The following VIPR2 variants were observed in gnomAD, a reference collection of about 807,000 sequenced individuals.
The protein encoded by VIPR2 is vasoactive intestinal polypeptide receptor 2.
VIPR2 carries 48 observed loss-of-function variants against 58.0 expected under a neutral mutation model. The observed-to-expected ratio is 0.83, with a 90% CI of 0.66 to 1.05. The LOEUF (loss-of-function observed/expected upper bound fraction) is 1.05. Among genes scored for constraint, VIPR2 ranks in the 50% least tolerant of loss-of-function variants. The pLI is 0.00. For synonymous variants in VIPR2, 243 were observed against 235.2 expected (o/e 1.03, Z -0.30); for missense variants, 534 against 558.0 (o/e 0.96, Z 0.43).
intron 5 of VIPR2, among the ~76,000 whole-genome samples, chr7:159,053,004 T>C (rs1288709546): frequency 6.6e-6 from 1 of 152,218 alleles, no homozygotes; most frequent in Non-Finnish European, 1.5e-5. Context: ...CTATTCAACA[T>C]TGTACTTCAC....
At chr7:159,087,026 A>G (rs1446901470) in intron 4 of VIPR2, among the ~76,000 whole-genome samples, 2 of 152,184 alleles carry the variant, frequency 1.3e-5, no homozygotes, top group Non-Finnish European at 2.9e-5. Context: ...TTCCCAACCA[A>G]CAATACCGAG....
At chr7:159,133,899 C>G (rs544650181) in intron 2 of VIPR2, among the ~76,000 whole-genome samples, 1 of 152,236 alleles carries the variant, frequency 6.6e-6, no homozygotes, top group South Asian at 2.1e-4. Flanking sequence ...GACATTCTAC[C>G]TAGCTGAGCT....
chr7:159,137,452 T>G (rs1269303133), intron 2 of VIPR2, among the ~76,000 whole-genome samples: 2 of 152,216 alleles, frequency 1.3e-5, no homozygotes. Flanking sequence ...CCATCATGGC[T>G]CACTGCAGCC....
intron 8 of VIPR2, 145 bp downstream of exon 8, chr7:159,035,805 TCG>T (rs1853905919): frequency 7.0e-7 from 1 of 1,419,036 alleles, no homozygotes; most frequent in Non-Finnish European, 9.3e-7. Flanking sequence ...TCCCCATGAA[TCG>T]CCCAGATGCT....
At chr7:159,130,750 A>G (rs974231291) in intron 2 of VIPR2, among the ~76,000 whole-genome samples, 1 of 152,190 alleles carries the variant, frequency 6.6e-6, no homozygotes, top group Non-Finnish European at 1.5e-5. Flanking sequence ...AATGCTGTGT[A>G]TTGATTTCGT....
At chr7:159,043,282 A>AAAAAT in intron 5 of VIPR2, 106 bp from the exon 6 acceptor site, 2 of 1,044,126 alleles carry the variant, frequency 1.9e-6, no homozygotes, top group Non-Finnish European at 2.6e-6. Context: ...AGAAGCACAG[A>AAAAAT]AAAATAAAAG....
intron 2 of VIPR2, among the ~76,000 whole-genome samples, chr7:159,125,157 A>G (rs1484659847): frequency 6.6e-6 from 1 of 152,162 alleles, no homozygotes; most frequent in Non-Finnish European, 1.5e-5. Context: ...CCTGGCTAGG[A>G]CTTCCAATAG....
chr7:159,048,347 T>G (rs1386568504), intron 5 of VIPR2, among the ~76,000 whole-genome samples: 1 of 152,218 alleles, frequency 6.6e-6, no homozygotes, highest in African/African-American at 2.4e-5. Context: ...TTTGTTAATG[T>G]GGATATGAAT....
At chr7:159,117,067 C>T (rs1240437586) in intron 2 of VIPR2, 1 of 477,700 alleles carries the variant, frequency 2.1e-6, no homozygotes, top group East Asian at 3.4e-5. Flanking sequence ...CTCCCAGCAA[C>T]TCCCTGAAGA....
At chr7:159,087,016 T>C (rs1857212173) in intron 4 of VIPR2, among the ~76,000 whole-genome samples, 1 of 152,174 alleles carries the variant, frequency 6.6e-6, no homozygotes, top group African/African-American at 2.4e-5. Context: ...GAGATACGTC[T>C]TCCCAACCAA....
At chr7:159,112,547 G>C (rs1796055799) in intron 2 of VIPR2, among the ~76,000 whole-genome samples, 1 of 152,016 alleles carries the variant, frequency 6.6e-6, no homozygotes, top group South Asian at 2.1e-4. Context: ...AGAAGCAACT[G>C]TGTTAAATAG....
intron 7 of VIPR2, 27 bp downstream of exon 7, chr7:159,036,725 T>G (rs775262765): frequency 6.3e-7 from 1 of 1,599,058 alleles, no homozygotes; most frequent in Non-Finnish European, 8.5e-7. Flanking sequence ...GGATGGAGGG[T>G]TTGTGGGTGG....
chr7:159,097,656 T>C lies in VIPR2; in HGVS notation c.357+6101A>G, dbSNP rs115459879. Among the ~76,000 whole-genome samples, 9 of 152,350 alleles carry C rather than the reference T, an allele frequency of 5.9e-5. No homozygotes were observed. The highest frequency in any genetic ancestry group is 3.4e-3 in the Middle Eastern group (1 of 294). ...CACCAAGGAGAATTCCCACTCCTTT[T>C]GGGCTTTTGACACAACGTATGCTTT... On this transcript the variant is annotated intron_variant, in intron 4 of 12. Transcript: ENST00000262178. The surrounding 1 kb of genome is among the most constrained non-coding windows in gnomAD (Gnocchi z 5.3).
At chr7:159,134,110 T>G (rs1797099982) in intron 2 of VIPR2, among the ~76,000 whole-genome samples, 1 of 152,240 alleles carries the variant, frequency 6.6e-6, no homozygotes, top group African/African-American at 2.4e-5. Context: ...GATAAACTAC[T>G]AAAACACTAA....
Position 159,091,204 on chromosome 7 carries a change from G to A in VIPR2, c.357+12553C>T, listed in dbSNP as rs144266341. On this transcript the variant is annotated intron_variant, in intron 4 of 12. Transcript: ENST00000262178. ...GCATCGAATTGTGGTTTACGGAACTGGAGCAACACAAGTGAGGTTAATAGA... is the reference window on the plus strand; with the variant it reads ...GCATCGAATTGTGGTTTACGGAACTAGAGCAACACAAGTGAGGTTAATAGA... Among the ~76,000 whole-genome samples the A allele has an allele frequency of 4.2e-3, 633 of 152,366 alleles. 2 individuals carry two copies. Among genetic ancestry groups the A allele is most frequent in the African/African-American group, 0.015 (609 of 41,590 alleles).
intron 2 of VIPR2, among the ~76,000 whole-genome samples, chr7:159,121,409 A>G (rs1477200990): frequency 6.6e-6 from 1 of 152,126 alleles, no homozygotes; most frequent in African/African-American, 2.4e-5. Flanking sequence ...GAGTCCAGCA[A>G]CGTCAGGGAC....
At chr7:159,094,737 C>A (rs533418902) in intron 4 of VIPR2, among the ~76,000 whole-genome samples, 1 of 152,338 alleles carries the variant, frequency 6.6e-6, no homozygotes, top group South Asian at 2.1e-4. Context: ...CCGTGCCACA[C>A]ACCTTATTTT....
intron 4 of VIPR2, among the ~76,000 whole-genome samples, chr7:159,065,805 C>T (rs1380964823): frequency 6.6e-6 from 1 of 152,198 alleles, no homozygotes; most frequent in Non-Finnish European, 1.5e-5. Flanking sequence ...GCCCGTGGCC[C>T]ACGTGTAGTT....
At chr7:159,120,802 G>C (rs1027998327) in intron 2 of VIPR2, among the ~76,000 whole-genome samples, 1 of 152,194 alleles carries the variant, frequency 6.6e-6, no homozygotes, top group East Asian at 1.9e-4. Flanking sequence ...TCTGTGAGCA[G>C]GTGCCTCTGT....
Sources: allele counts gnomAD v4.1 joint callset (sites outside exome capture counted in the v4.1 genomes callset), GRCh38; gene constraint gnomAD v4.1.1; non-coding constraint Gnocchi (gnomAD v3.1); transcripts MANE v1.5; gene names NCBI Gene and HGNC (gene_info 2026-07-23, HGNC 2026-07-21).